The following XRCC3 variants were observed in gnomAD, a reference collection of about 807,000 sequenced individuals.
XRCC3 encodes the protein X-ray repair cross complementing 3, also known as DNA repair protein XRCC3.
In XRCC3, 34 loss-of-function variants were observed where a neutral mutation model predicts 29.2. The observed-to-expected ratio is 1.16, with a 90% CI of 0.88 to 1.55. The LOEUF (loss-of-function observed/expected upper bound fraction) is 1.55, where lower values mean the gene tolerates loss of function less well. XRCC3 is among the 40% of genes most tolerant of loss of function. The pLI is 0.00. For synonymous variants in XRCC3, 223 were observed against 211.3 expected (o/e 1.06, Z -0.48); for missense variants, 463 against 467.6 (o/e 0.99, Z 0.09).
intron 4 of XRCC3, chr14:103,709,128 G>A (rs929641699): frequency 8.6e-5 from 26 of 303,352 alleles, no homozygotes; most frequent in African/African-American, 5.2e-4. Flanking sequence ...CTGGGGAGGG[G>A]AGCGCTGGGA....
chr14:103,699,340 G>C (rs1203684256), intron 8 of XRCC3, 24 bp downstream of exon 8: 2 of 1,579,792 alleles, frequency 1.3e-6, no homozygotes, highest in Non-Finnish European at 8.6e-7. Flanking sequence ...GAGCTCAGGG[G>C]TGCAACCCTG....
In XRCC3 at chr14:103,703,323, G is replaced by A. The variant is rs752153707; in HGVS notation, c.411C>T (p.Ala137=). The A allele has an allele frequency of 3.9e-5, 60 of 1,548,912 alleles. No homozygotes were observed. The South Asian group carries it at 5.3e-4, about 14-fold the overall frequency. Reference sequence around the variant, plus strand: ...AGGCGTCTTCCGTGCAGATGTAGACGGCTCCTGGGAAGCAAGAGTGCCTGA... The same window carrying A: ...AGGCGTCTTCCGTGCAGATGTAGACAGCTCCTGGGAAGCAAGAGTGCCTGA... ...PRQHGGLEAG[A]VYICTEDAFP... The change falls in exon 7 of 10, where the codon GCC becomes GCT. Residue 137 remains alanine, a synonymous_variant. Coordinates refer to ENST00000555055, the MANE Select transcript of XRCC3 (RefSeq NM_005432.4).
In XRCC3 at chr14:103,707,192, C is replaced by T. The variant is rs761300047; in HGVS notation, c.217G>A (p.Glu73Lys). 1.3e-6 allele frequency: 2 copies of T among 1,548,978 alleles called. No individual in the cohort carries two copies. Among genetic ancestry groups the T allele is most frequent in the African/African-American group, 1.4e-5 (1 of 73,128 alleles). ...CGCTGGTGCTGCGTGGGGAACCGCTCCTTCTGCTGGTGCAGCTGCAGTGCT... is the reference window on the plus strand; with the variant it reads ...CGCTGGTGCTGCGTGGGGAACCGCTTCTTCTGCTGGTGCAGCTGCAGTGCT... ...LTALQLHQQK[E>K]RFPTQHQRLS... Residue 73 changes from glutamate to lysine, a missense_variant, in exon 6 of 10, where the codon GAG (glutamate) becomes AAG (lysine). Coordinates refer to ENST00000555055, the MANE Select transcript of XRCC3 (RefSeq NM_005432.4).
intron 1 of XRCC3, among the ~76,000 whole-genome samples, chr14:103,714,407 C>G: frequency 6.6e-6 from 1 of 150,778 alleles, no homozygotes; most frequent in Non-Finnish European, 1.5e-5. Flanking sequence ...CGGCCAAGGT[C>G]GCCTGAGCCC....
At chr14:103,705,811 T>C (rs2083414417) in intron 6 of XRCC3, 1 of 159,054 alleles carries the variant, frequency 6.3e-6, no homozygotes, top group African/African-American at 2.4e-5. Context: ...ACAAATCAGA[T>C]TTGCACGAAG....
intron 4 of XRCC3, 107 bp downstream of exon 4, chr14:103,710,926 G>A: frequency 9.1e-7 from 1 of 1,097,650 alleles, no homozygotes; most frequent in South Asian, 1.3e-5. Context: ...TTAATAATCA[G>A]GGTAGGCAAA....
In XRCC3 at chr14:103,699,405, G is replaced by C; in HGVS notation, c.733C>G (p.Leu245Val). ...ACAGGGCTCTGGAAGGCACTGCTCA[G>C]CTCACGCAGCGTGGCCCCCAGGGAC... ...LQSLGATLRE[L>V]SSAFQSPVLC... The change falls in exon 8 of 10, where the codon CTG becomes GTG. Residue 245 changes from leucine (L) to valine (V), a missense_variant. Physicochemically the swap from Leu to Val is conservative, Grantham distance 32. Coordinates refer to ENST00000555055, the MANE Select transcript of XRCC3 (RefSeq NM_005432.4). 1 of 1,612,186 alleles carries C rather than the reference G, an allele frequency of 6.2e-7. No individual in the cohort carries two copies. The highest frequency in any genetic ancestry group is 8.5e-7 in the Non-Finnish European group (1 of 1,179,702).
rs896196154 is a variant in XRCC3 at position 103,698,770 on chromosome 14, G to A, written c.*28C>T. On this transcript the variant is annotated 3_prime_UTR_variant, in exon 10 of 10. Transcript: ENST00000555055. ...AGCCCCGTGTGTCGGGGCTTCTCAG[G>A]CAGGGCTGTTGTGCAGCCGCCACCG... 1.8e-5 allele frequency: 28 copies of A among 1,564,370 alleles called. No homozygotes were observed. The highest frequency in any genetic ancestry group is 7.5e-5 in the Admixed American group (4 of 53,464).
chr14:103,703,011 C>T, intron 7 of XRCC3, 162 bp downstream of exon 7: 1 of 1,114,756 alleles, frequency 9.0e-7, no homozygotes, highest in Non-Finnish European at 1.3e-6. Flanking sequence ...CTGACCCCAC[C>T]TGCTCCTCGG....
chr14:103,708,468 C>T, intron 5 of XRCC3, 54 bp downstream of exon 5: 4 of 1,610,606 alleles, frequency 2.5e-6, no homozygotes, highest in Non-Finnish European at 3.4e-6. Flanking sequence ...ACCACTGGGA[C>T]CATGATGCTG....
intron 6 of XRCC3, chr14:103,704,236 C>T (rs1485033156): frequency 1.3e-5 from 2 of 152,330 alleles, no homozygotes; most frequent in African/African-American, 4.8e-5. Flanking sequence ...CATGGAGCTC[C>T]CAGGACAGGA....
intron 5 of XRCC3, 99 bp from the exon 6 acceptor site, chr14:103,707,314 TGTGGCTGGAGCACAG>T (rs2083469984): frequency 6.9e-7 from 1 of 1,439,804 alleles, no homozygotes; most frequent in Non-Finnish European, 9.5e-7. Flanking sequence ...CCAGGTGCAG[TGTGGCTGGAGCACAG>T]GTGCCTGCGG....
chr14:103,708,549 G>T lies in XRCC3; in HGVS notation c.166C>A (p.His56Asn), dbSNP rs372985882. The part of the protein sequence containing the change: ...VWHLLRTASL[H>N]LRGSSILTAL... ...GTAAGGATGCTGCTTCCCCGCAAGT[G>T]TAAGGAGGCCGTTCTCAGCAAGTGC... The change falls in exon 5 of 10, where the codon CAC becomes AAC. Residue 56 changes from histidine (H) to asparagine (N), a missense_variant. Physicochemically the swap from His to Asn is moderately conservative, Grantham distance 68. Coordinates refer to ENST00000555055, the MANE Select transcript of XRCC3 (RefSeq NM_005432.4). The T allele has an allele frequency of 9.9e-6, 16 of 1,613,978 alleles. No individual in the cohort carries two copies. Among genetic ancestry groups the T allele is most frequent in the African/African-American group, 2.7e-5 (2 of 74,886 alleles).
chr14:103,706,986 A>G lies in XRCC3; in HGVS notation c.406+17T>C. On this transcript the variant is annotated intron_variant, in intron 6 of 9. Coordinates refer to ENST00000555055, the MANE Select transcript of XRCC3 (RefSeq NM_005432.4). ...CCGCCCACCTGCCCAGACCCCACGG[A>G]AGGGGTGGCCACTCACCAGCCTCCA... 6.5e-7 allele frequency: 1 copy of G among 1,544,244 alleles called. No individual in the cohort carries two copies.
At chr14:103,708,156 C>T (rs1031897450) in intron 5 of XRCC3, 3 of 369,232 alleles carry the variant, frequency 8.1e-6, no homozygotes, top group South Asian at 2.3e-5. Flanking sequence ...GTTTCCCACA[C>T]GTGGTGGTGG....
chr14:103,702,990 C>T (rs2083286187), intron 7 of XRCC3, 183 bp downstream of exon 7: 4 of 891,064 alleles, frequency 4.5e-6, no homozygotes, highest in Non-Finnish European at 6.8e-6. Context: ...CTCTCAGTCA[C>T]TCTCCATCCT....
rs994906323 is a variant in XRCC3, at chr14:103,698,681, G to A, written c.*117C>T. On this transcript the variant is annotated 3_prime_UTR_variant, in exon 10 of 10. Coordinates refer to ENST00000555055, the MANE Select transcript of XRCC3 (RefSeq NM_005432.4). ...AGAAAGTGGAGCCGCTGCCCTGGAA[G>A]AGCTGTGTCTGAACCAGGCTCCCAG... 3.0e-4 allele frequency: 270 copies of A among 912,794 alleles called. 1 individual carries two copies. Among genetic ancestry groups the A allele is most frequent in the Non-Finnish European group, 4.5e-4 (258 of 576,130 alleles). The allele number at this position is 912,794 out of a possible 1,614,324, so 56.5% of individuals were successfully genotyped here. A position where few individuals can be genotyped will look rare whatever the true frequency, so the allele number is the denominator to read the frequency against.
intron 7 of XRCC3, chr14:103,699,799 C>T: frequency 1.7e-6 from 1 of 595,418 alleles, no homozygotes; most frequent in Non-Finnish European, 3.0e-6. Flanking sequence ...TTCCCTTGGC[C>T]CCATGTCCTT....
At chr14:103,712,689 G>A (rs2083676384) in intron 2 of XRCC3, 186 bp downstream of exon 2, 1 of 152,588 alleles carries the variant, frequency 6.6e-6, no homozygotes, top group Non-Finnish European at 1.5e-5. Flanking sequence ...CTGGGCCTGG[G>A]GGCTGTCGGG....
Sources: gnomAD v4.1 joint callset for allele counts (sites outside exome capture counted in the v4.1 genomes callset) on GRCh38, gnomAD v4.1.1 for gene constraint, MANE v1.5 for transcripts, NCBI Gene and HGNC (gene_info 2026-07-23, HGNC 2026-07-21) for gene names.